The following SLFN11 variants were observed in gnomAD, a reference collection of about 807,000 sequenced individuals.
SLFN11 encodes the protein schlafen family member 11.
Under a neutral mutation model 53.4 loss-of-function variants are expected in SLFN11, and 43 were observed. The observed-to-expected ratio is 0.80, with a 90% CI of 0.63 to 1.04. SLFN11 has a LOEUF of 1.04. Ranked by LOEUF, SLFN11 falls within the 50% of genes least tolerant of loss-of-function variation. SLFN11 has a pLI of 0.00. For missense variants in SLFN11, 990 were observed against 1,079.1 expected, an observed-to-expected ratio of 0.92 and a Z score of 1.16; for synonymous variants, 389 against 394.7, an observed-to-expected ratio of 0.99 and a Z score of 0.17.
At chr17:35,360,613 T>C (rs1481223667) in intron 4 of SLFN11, among the ~76,000 whole-genome samples, 1 of 152,126 alleles carries the variant, frequency 6.6e-6, no homozygotes, top group East Asian at 1.9e-4. Flanking sequence ...AGTATAATTC[T>C]TCATTCTCTG....
chr17:35,363,937 A>G (rs1486258246), intron 3 of SLFN11, 111 bp from the exon 4 acceptor site: 3 of 796,922 alleles, frequency 3.8e-6, no homozygotes, highest in Non-Finnish European at 5.7e-6. Context: ...GCAAGACAGG[A>G]GCAATCCCTT....
chr17:35,368,082 C>A (rs2141985508), intron 1 of SLFN11, among the ~76,000 whole-genome samples: 1 of 152,154 alleles, frequency 6.6e-6, no homozygotes, highest in South Asian at 2.1e-4. Flanking sequence ...TTTGCAATGT[C>A]AAATTGTCAA....
intron 4 of SLFN11, among the ~76,000 whole-genome samples, chr17:35,361,019 A>G (rs1488267580): frequency 6.6e-6 from 1 of 152,150 alleles, no homozygotes; most frequent in African/African-American, 2.4e-5. Context: ...GACATTATAG[A>G]GTGCATTAAC....
chr17:35,363,991 A>C (rs1908623895), intron 3 of SLFN11, among the ~76,000 whole-genome samples, 165 bp from the exon 4 acceptor site: 1 of 152,170 alleles, frequency 6.6e-6, no homozygotes, highest in South Asian at 2.1e-4. Context: ...TGCTAATGAA[A>C]TTAGCATTTA....
intron 4 of SLFN11, among the ~76,000 whole-genome samples, 186 bp downstream of exon 4, chr17:35,362,553 G>A (rs1483560364): frequency 6.6e-6 from 1 of 152,122 alleles, no homozygotes; most frequent in African/African-American, 2.4e-5. Flanking sequence ...TTATAGACAT[G>A]TGAGTTAGGT....
chr17:35,368,173 A>G (rs1304004859), intron 1 of SLFN11, among the ~76,000 whole-genome samples: 1 of 151,854 alleles, frequency 6.6e-6, no homozygotes, highest in Non-Finnish European at 1.5e-5. Flanking sequence ...CCTCCCACCC[A>G]TCTCCCCTAG....
At chr17:35,372,934 TC>T (rs1181528220) in intron 1 of SLFN11, among the ~76,000 whole-genome samples, 1 of 152,040 alleles carries the variant, frequency 6.6e-6, no homozygotes, top group Non-Finnish European at 1.5e-5. Context: ...TTCTCATTTC[TC>T]CCCCCTCTAG....
rs766568781 is a variant in SLFN11, at chr17:35,363,009, G to T, written c.799C>A (p.Pro267Thr). 4 of 1,613,838 alleles carry T rather than the reference G, an allele frequency of 2.5e-6. No homozygotes were observed. The highest frequency in any genetic ancestry group is 1.1e-5 in the South Asian group (1 of 91,068). The change falls in exon 4 of 7, where the codon CCT becomes ACT. Residue 267 changes from proline (P) to threonine (T), a missense_variant. Coordinates refer to ENST00000685675, the MANE Select transcript of SLFN11 (RefSeq NM_001376007.1). Reference protein sequence around the residue: ...VLGCAKENVDPDSLRRKIEQA... With the variant: ...VLGCAKENVDTDSLRRKIEQA... Reference sequence around the variant, plus strand: ...TCTATTTTCCTTCTCAAAGAGTCAGGGTCAACATTTTCTTTTGCACATCCC... The same window carrying T: ...TCTATTTTCCTTCTCAAAGAGTCAGTGTCAACATTTTCTTTTGCACATCCC...
intron 4 of SLFN11, among the ~76,000 whole-genome samples, chr17:35,361,566 A>G (rs1478965886): frequency 6.6e-6 from 1 of 151,880 alleles, no homozygotes; most frequent in Non-Finnish European, 1.5e-5. Context: ...GGCTCAAGTG[A>G]TCCTCCCACC....
At chr17:35,355,834 C>T (rs1597703169) in intron 5 of SLFN11, among the ~76,000 whole-genome samples, 1 of 152,122 alleles carries the variant, frequency 6.6e-6, no homozygotes, top group East Asian at 1.9e-4. Context: ...TGAAGACTTC[C>T]ACCTTGATCA....
intron 4 of SLFN11, 39 bp from the exon 5 acceptor site, chr17:35,360,410 C>A (rs1178395301): frequency 9.0e-6 from 14 of 1,558,528 alleles, no homozygotes; most frequent in African/African-American, 1.4e-5. Flanking sequence ...ACGTGTTAAT[C>A]TCTTCATACT....
chr17:35,353,287 T>A (rs1906991694), intron 6 of SLFN11, 49 bp downstream of exon 6: 1 of 1,611,468 alleles, frequency 6.2e-7, no homozygotes, highest in Non-Finnish European at 8.5e-7. Flanking sequence ...GCAGAAAAAA[T>A]TAAACCCAGA....
intron 4 of SLFN11, among the ~76,000 whole-genome samples, chr17:35,360,952 A>G (rs971536031): frequency 1.3e-5 from 2 of 152,180 alleles, no homozygotes; most frequent in African/African-American, 4.8e-5. Flanking sequence ...CCTGGGTGAC[A>G]TTCTGACACC....
rs372354211 is a variant in SLFN11, at chr17:35,363,296, T to C, written c.512A>G (p.Lys171Arg). 24 of 1,613,940 alleles carry C rather than the reference T, an allele frequency of 1.5e-5. No homozygotes were observed. Among genetic ancestry groups the C allele is most frequent in the Admixed American group, 1.2e-4 (7 of 59,984 alleles). Reference sequence around the variant, plus strand: ...GTTAGGGAGCTCTTGGTATACACCCTTGTGAATTTTGTGAAAAGGTCCTTC... The same window carrying C: ...GTTAGGGAGCTCTTGGTATACACCCCTGTGAATTTTGTGAAAAGGTCCTTC... The part of the protein sequence containing the change: ...LEEGPFHKIH[K>R]GVYQELPNSD... The change falls in exon 4 of 7, where the codon AAG becomes AGG. Residue 171 changes from lysine (K) to arginine (R), a missense_variant. Coordinates refer to ENST00000685675, the MANE Select transcript of SLFN11 (RefSeq NM_001376007.1).
At chr17:35,365,426 G>A (rs1296322088) in intron 3 of SLFN11, among the ~76,000 whole-genome samples, 1 of 151,348 alleles carries the variant, frequency 6.6e-6, no homozygotes, top group Non-Finnish European at 1.5e-5. Context: ...TGGGACTACA[G>A]GCGCACAGCC....
chr17:35,366,022 G>A (rs1186466280), intron 3 of SLFN11, among the ~76,000 whole-genome samples: 1 of 152,052 alleles, frequency 6.6e-6, no homozygotes, highest in Non-Finnish European at 1.5e-5. Flanking sequence ...AGAGGTGGGT[G>A]GGACATAAAT....
At position 35,352,210 on chromosome 17, in the gene SLFN11, A is replaced by C; in HGVS notation, c.*146T>G. The C allele has an allele frequency of 9.5e-7, 1 of 1,053,614 alleles. No individual in the cohort carries two copies. The highest frequency in any genetic ancestry group is 1.6e-5 in the South Asian group (1 of 61,900). The allele number at this position is 1,053,614 out of a possible 1,614,324, so 65.3% of individuals were successfully genotyped here. On this transcript the variant is annotated 3_prime_UTR_variant, in exon 7 of 7. Coordinates refer to ENST00000685675, the MANE Select transcript of SLFN11 (RefSeq NM_001376007.1). ...GAAAGGGTTGGGGAAGGAACCCCTGAAAGGAGAGCCAGAAATGGGGGAGCT... is the reference window on the plus strand; with the variant it reads ...GAAAGGGTTGGGGAAGGAACCCCTGCAAGGAGAGCCAGAAATGGGGGAGCT...
At chr17:35,358,794 T>C (rs1907838576) in intron 5 of SLFN11, among the ~76,000 whole-genome samples, 1 of 152,108 alleles carries the variant, frequency 6.6e-6, no homozygotes, top group African/African-American at 2.4e-5. Context: ...AGTTTTCCTT[T>C]TCCTTTTCCT....
rs776647622 is a variant in SLFN11, at chr17:35,352,498, C to T, written c.2564G>A (p.Arg855Gln). 4 of 1,614,034 alleles carry T rather than the reference C, an allele frequency of 2.5e-6. No homozygotes were observed. Among genetic ancestry groups the T allele is most frequent in the South Asian group, 2.2e-5 (2 of 91,086 alleles). Residue 855 changes from arginine to glutamine, a missense_variant, in exon 7 of 7, where the codon CGG becomes CAG. Physicochemically the swap from Arg to Gln is conservative, Grantham distance 43. Coordinates refer to ENST00000685675, the MANE Select transcript of SLFN11 (RefSeq NM_001376007.1). ...LGDHIVLDSV[R>Q]RFSGLERSIV... ...GCTCCTTTCCAGGCCTGAGAATCGC[C>T]GAACACTGTCCAACACAATGTGATC...
Sources: allele counts gnomAD v4.1 joint callset (sites outside exome capture counted in the v4.1 genomes callset), GRCh38; gene constraint gnomAD v4.1.1; transcripts MANE v1.5; gene names NCBI Gene and HGNC (gene_info 2026-07-23, HGNC 2026-07-21).